TENM2: variants seen among roughly 807,000 people sequenced by gnomAD.
The protein encoded by TENM2 is teneurin-2.
Under a neutral mutation model 245.2 loss-of-function variants are expected in TENM2, and 52 were observed. The ratio of observed to expected loss-of-function variants is 0.21; its 90% CI spans 0.17 to 0.27. The LOEUF is 0.27. TENM2 is among the 10% of genes least tolerant of loss of function. The pLI, the probability that TENM2 is intolerant of heterozygous loss-of-function variation, is 1.00. For synonymous variants in TENM2, 1,363 were observed against 1,438.9 expected, an observed-to-expected ratio of 0.95 and a Z score of 1.19; for missense variants, 3,046 against 3,666.8, an observed-to-expected ratio of 0.83 and a Z score of 4.37.
chr5:167,181,463 C>T, the TENM2 span, among the ~76,000 whole-genome samples: 1 of 69,918 alleles, frequency 1.4e-5, no homozygotes, highest in Non-Finnish European at 2.6e-5. Context: ...GGGAGCCGCT[C>T]GTTTGTGTGT....
intron 3 of TENM2, chr5:167,952,290 T>G: frequency 4.0e-6 from 2 of 498,412 alleles, no homozygotes; most frequent in Non-Finnish European, 7.2e-6. Flanking sequence ...GTTACTTTCA[T>G]TGCAGTATTA....
At chr5:167,869,295 G>T (rs1212854369) in intron 2 of TENM2, among the ~76,000 whole-genome samples, 1 of 152,210 alleles carries the variant, frequency 6.6e-6, no homozygotes, top group South Asian at 2.1e-4. Flanking sequence ...ATGAGAATGG[G>T]TTGGGTTTCC....
chr5:167,194,979 T>A, the TENM2 span, among the ~76,000 whole-genome samples: 1 of 152,040 alleles, frequency 6.6e-6, no homozygotes. Flanking sequence ...CCCCATCACT[T>A]ACTTCCTAAA....
rs186501793 is a variant in TENM2, at chr5:168,218,872, G to A, written c.4981G>A (p.Val1661Met). ...TGACAACCAGATCATCACCCTCACC[G>A]TGGGCACCAATGGAGGCCTCAAAGT... The change falls in exon 23 of 29, where the codon GTG (valine) becomes ATG (methionine). Residue 1661 changes from valine to methionine, a missense_variant. Transcript: ENST00000518659. This position sits in a 1 kb window ranked among gnomAD's most constrained non-coding sequence, Gnocchi z 5.2. 7.7e-5 allele frequency: 125 copies of A among 1,613,942 alleles called. No homozygotes were observed. Among genetic ancestry groups the A allele is most frequent in the East Asian group, 1.1e-4 (5 of 44,884 alleles).
chr5:168,137,636 G>A (rs1018482981), intron 12 of TENM2, among the ~76,000 whole-genome samples: 15 of 152,342 alleles, frequency 9.8e-5, no homozygotes, highest in African/African-American at 3.1e-4. Flanking sequence ...TATTAGGTGT[G>A]TGTGAGCCCA....
chr5:167,807,154 A>AAAAAAAG (rs1766258160), intron 2 of TENM2, among the ~76,000 whole-genome samples: 2 of 142,552 alleles, frequency 1.4e-5, no homozygotes, highest in East Asian at 2.4e-4. Context: ...AAAAAAAAAA[A>AAAAAAAG]AAGAAGAAGA....
chr5:167,165,049 A>G, the TENM2 span: 1 of 152,210 alleles, frequency 6.6e-6, no homozygotes, highest in Non-Finnish European at 1.5e-5. Context: ...AAATCTCTTT[A>G]CAATGTATGC....
chr5:167,136,705 G>A, the TENM2 span, among the ~76,000 whole-genome samples: 5 of 152,148 alleles, frequency 3.3e-5, no homozygotes, highest in African/African-American at 1.2e-4. Flanking sequence ...TGCAGCCTTA[G>A]AGAGTTCTTC....
At chr5:167,868,005 C>T (rs1356270976) in intron 2 of TENM2, among the ~76,000 whole-genome samples, 2 of 152,170 alleles carry the variant, frequency 1.3e-5, no homozygotes, top group Non-Finnish European at 2.9e-5. Flanking sequence ...CTAATATCTG[C>T]CCAATGCTTA....
intron 5 of TENM2, among the ~76,000 whole-genome samples, chr5:168,025,585 T>C (rs1786539999): frequency 6.6e-6 from 1 of 152,180 alleles, no homozygotes; most frequent in Non-Finnish European, 1.5e-5. Context: ...GTGGCTACAT[T>C]GGGAAATAGG....
chr5:167,961,729 G>A (rs1781026326), intron 4 of TENM2, among the ~76,000 whole-genome samples: 1 of 152,174 alleles, frequency 6.6e-6, no homozygotes, highest in African/African-American at 2.4e-5. Flanking sequence ...CAGAATCTAG[G>A]GATAGAGGGA....
chr5:167,481,154 G>A (rs1340356271), intron 2 of TENM2, among the ~76,000 whole-genome samples: 5 of 152,090 alleles, frequency 3.3e-5, no homozygotes, highest in African/African-American at 9.7e-5. Flanking sequence ...TTTTAAAAAG[G>A]ATATATAATT....
chr5:167,931,250 G>GAT (rs959068726), intron 3 of TENM2, among the ~76,000 whole-genome samples: 1 of 152,184 alleles, frequency 6.6e-6, no homozygotes, highest in African/African-American at 2.4e-5. Context: ...TATGCAAACA[G>GAT]ATATATACAG....
In TENM2 at chr5:167,803,105, T is replaced by C. The variant is rs146087507; in HGVS notation, c.503-72881T>C. 1.8e-3 allele frequency among the ~76,000 whole-genome samples: 281 copies of C among 152,262 alleles called. 1 individual carries two copies. Among genetic ancestry groups the C allele is most frequent in the African/African-American group, 6.5e-3 (269 of 41,550 alleles). On this transcript the variant is annotated intron_variant, in intron 2 of 28. Coordinates refer to ENST00000518659, the Ensembl canonical transcript of TENM2. ...ACAGAGAAATGTAGCAAATCAATAATTGGCCAATCACTTCTCTGAGTTTAT... is the reference window on the plus strand; with the variant it reads ...ACAGAGAAATGTAGCAAATCAATAACTGGCCAATCACTTCTCTGAGTTTAT...
chr5:167,453,029 G>C (rs550197791), intron 2 of TENM2, among the ~76,000 whole-genome samples: 1 of 142,258 alleles, frequency 7.0e-6, no homozygotes. Flanking sequence ...TGAGTGGGTA[G>C]TTGAATGAGA....
At chr5:167,443,482 T>TTAC (rs1406227739) in intron 2 of TENM2, among the ~76,000 whole-genome samples, 13 of 152,164 alleles carry the variant, frequency 8.5e-5, no homozygotes, top group African/African-American at 3.1e-4. Context: ...CAGAAAAGGG[T>TTAC]TACTGATCCC....
chr5:167,618,944 T>A (rs1777976202), intron 2 of TENM2, among the ~76,000 whole-genome samples: 1 of 152,100 alleles, frequency 6.6e-6, no homozygotes. Flanking sequence ...AGAAGACAGG[T>A]CTTTGAGTAG....
the TENM2 span, among the ~76,000 whole-genome samples, chr5:167,171,427 C>T: frequency 2.6e-4 from 39 of 152,162 alleles, no homozygotes; most frequent in East Asian, 1.4e-3. Context: ...AGGGGCCCAA[C>T]GGGAAACAGA....
At chr5:167,088,614 C>G in the TENM2 span, among the ~76,000 whole-genome samples, 1 of 149,932 alleles carries the variant, frequency 6.7e-6, no homozygotes, top group South Asian at 2.1e-4. Context: ...GTGATAAGAG[C>G]GAGACTCCAT....
Sources: allele counts gnomAD v4.1 joint callset (sites outside exome capture counted in the v4.1 genomes callset), GRCh38; gene constraint gnomAD v4.1.1; non-coding constraint Gnocchi (gnomAD v3.1); transcripts MANE v1.5; gene names NCBI Gene and HGNC (gene_info 2026-07-23, HGNC 2026-07-21).